The following GRIN2A variants were observed in gnomAD, a reference collection of about 807,000 sequenced individuals.
GRIN2A encodes glutamate receptor ionotropic, NMDA 2A.
In GRIN2A, 22 loss-of-function variants were observed where a neutral mutation model predicts 113.4. The observed-to-expected ratio is 0.19, with a 90% CI of 0.14 to 0.28. The LOEUF is 0.28. Ranked by LOEUF, GRIN2A falls within the 10% of genes least tolerant of loss-of-function variation. The pLI is 1.00. For missense variants in GRIN2A, 1,502 were observed against 1,887.0 expected (o/e 0.80, Z 3.78); for synonymous variants, 827 against 738.4 (o/e 1.12, Z -1.94).
At chr16:10,048,565 G>T (rs2047299501) in intron 2 of GRIN2A, among the ~76,000 whole-genome samples, 1 of 152,146 alleles carries the variant, frequency 6.6e-6, no homozygotes, top group South Asian at 2.1e-4. Flanking sequence ...CAGGAAATAT[G>T]CCTGAATAAG....
intron 2 of GRIN2A, among the ~76,000 whole-genome samples, chr16:10,018,153 T>G (rs911421999): frequency 2.0e-5 from 3 of 152,040 alleles, no homozygotes; most frequent in African/African-American, 7.3e-5. Flanking sequence ...AAGAGATGAG[T>G]TATTAAAAGG....
At chr16:9,777,457 G>C (rs1383741514) in intron 11 of GRIN2A, among the ~76,000 whole-genome samples, 1 of 152,166 alleles carries the variant, frequency 6.6e-6, no homozygotes, top group Non-Finnish European at 1.5e-5. Context: ...CAAATAGATT[G>C]AATTTGGGAG....
intron 2 of GRIN2A, among the ~76,000 whole-genome samples, chr16:9,959,603 T>C (rs897014973): frequency 6.6e-6 from 1 of 152,250 alleles, no homozygotes; most frequent in Non-Finnish European, 1.5e-5. Flanking sequence ...ACACAGGCTT[T>C]CCACTGTGCT....
chr16:9,893,601 G>T (rs2141490341), intron 3 of GRIN2A, among the ~76,000 whole-genome samples: 1 of 152,246 alleles, frequency 6.6e-6, no homozygotes, highest in Admixed American at 6.5e-5. Flanking sequence ...CAAGTAGCTA[G>T]GGTTACAGGT....
chr16:10,044,616 G>T (rs774251955), intron 2 of GRIN2A, among the ~76,000 whole-genome samples: 1 of 149,868 alleles, frequency 6.7e-6, no homozygotes, highest in Non-Finnish European at 1.5e-5. Context: ...ACAATCAGAT[G>T]TGTTAAAAAT....
In GRIN2A at chr16:9,862,590, T is replaced by C. The variant is rs1034043870; in HGVS notation, c.1123-12629A>G. Among the ~76,000 whole-genome samples, 4 of 152,212 alleles carry C rather than the reference T, an allele frequency of 2.6e-5. No homozygotes were observed. The East Asian group carries it at 7.7e-4, about 29-fold the overall frequency. ...ATCATTTTCTTCAGGAGTTCATGTA[T>C]AATCTTCAGTCCTCCAGAGTTCCTT... On this transcript the variant is annotated intron_variant, in intron 4 of 12. Transcript: ENST00000330684.
Position 9,763,847 on chromosome 16 carries a change from G to A in GRIN2A, c.3697C>T (p.Pro1233Ser), listed in dbSNP as rs1900717286. Residue 1233 changes from proline to serine, a missense_variant, in exon 13 of 13, where the codon CCC (proline) becomes TCC (serine). Coordinates refer to ENST00000330684, the MANE Select transcript of GRIN2A (RefSeq NM_001134407.3). The part of the protein sequence containing the change: ...TYSGHFTMRS[P>S]FKCDACLRMG... ...CGCAGGCAGGCATCGCACTTGAAGGGGGACCTCATGGTGAAGTGGCCTGAA... is the reference window on the plus strand; with the variant it reads ...CGCAGGCAGGCATCGCACTTGAAGGAGGACCTCATGGTGAAGTGGCCTGAA... 2 of 1,613,992 alleles carry A rather than the reference G, an allele frequency of 1.2e-6. No homozygotes were observed. The highest frequency in any genetic ancestry group is 1.3e-5 in the African/African-American group (1 of 74,896).
chr16:9,990,749 G>C (rs1596395422), intron 2 of GRIN2A, among the ~76,000 whole-genome samples: 2 of 152,016 alleles, frequency 1.3e-5, no homozygotes, highest in South Asian at 4.1e-4. Context: ...GGTAGGTTTT[G>C]GATAATACTA....
chr16:10,104,644 G>C (rs2048460560), intron 2 of GRIN2A, among the ~76,000 whole-genome samples: 1 of 152,140 alleles, frequency 6.6e-6, no homozygotes, highest in Non-Finnish European at 1.5e-5. Flanking sequence ...GGATTCTCCA[G>C]GGTGCGCACA....
At chr16:9,984,357 G>C (rs920358636) in intron 2 of GRIN2A, among the ~76,000 whole-genome samples, 2 of 152,032 alleles carry the variant, frequency 1.3e-5, no homozygotes, top group Non-Finnish European at 2.9e-5. Flanking sequence ...TTGCTGAGCA[G>C]AAGCTTTTAC....
chr16:9,945,286 A>G (rs1161587656), intron 2 of GRIN2A, among the ~76,000 whole-genome samples: 1 of 152,206 alleles, frequency 6.6e-6, no homozygotes, highest in Non-Finnish European at 1.5e-5. Context: ...GGAGCTGATC[A>G]AAATGATATG....
chr16:9,846,248 CA>C (rs967810705), intron 5 of GRIN2A, among the ~76,000 whole-genome samples: 1 of 150,882 alleles, frequency 6.6e-6, no homozygotes, highest in Admixed American at 6.6e-5. Flanking sequence ...GACTGCTTAT[CA>C]AAAAAAAACT....
At chr16:10,142,491 A>C (rs1261145216) in intron 2 of GRIN2A, among the ~76,000 whole-genome samples, 2 of 152,152 alleles carry the variant, frequency 1.3e-5, no homozygotes, top group African/African-American at 2.4e-5. Context: ...CCACAAGTTC[A>C]AGACCAGCCT....
intron 12 of GRIN2A, among the ~76,000 whole-genome samples, chr16:9,765,984 T>A (rs1448285710): frequency 6.6e-6 from 1 of 152,210 alleles, no homozygotes; most frequent in Non-Finnish European, 1.5e-5. Flanking sequence ...GCTGTTCAAC[T>A]GTTATCAAGG....
intron 2 of GRIN2A, among the ~76,000 whole-genome samples, chr16:10,175,189 T>C (rs146455319): frequency 2.0e-5 from 3 of 152,360 alleles, no homozygotes; most frequent in Non-Finnish European, 4.4e-5. Context: ...CACTCTGTGA[T>C]GTTCACACGA....
chr16:10,148,383 C>A (rs980257625), intron 2 of GRIN2A, among the ~76,000 whole-genome samples: 1 of 152,008 alleles, frequency 6.6e-6, no homozygotes, highest in Non-Finnish European at 1.5e-5. Context: ...AAACTGACTC[C>A]ATTTTAAATG....
In GRIN2A at chr16:9,813,478, C is replaced by T. The variant is rs949135142; in HGVS notation, c.2168+8786G>A. Among the ~76,000 whole-genome samples the T allele has an allele frequency of 3.3e-5, 5 of 150,742 alleles. No individual in the cohort carries two copies. The South Asian group carries it at 8.4e-4, about 25-fold the overall frequency. ...CATCCCAATCACCTAGCAGCATCTC[C>T]GATAACATTTTGATATATTTCTTTT... On this transcript the variant is annotated intron_variant, in intron 10 of 12. Transcript: ENST00000330684.
At chr16:10,124,361 C>G (rs1009492144) in intron 2 of GRIN2A, among the ~76,000 whole-genome samples, 1 of 152,146 alleles carries the variant, frequency 6.6e-6, no homozygotes. Context: ...AGTGCCTGCC[C>G]TGTATGCAGT....
intron 10 of GRIN2A, among the ~76,000 whole-genome samples, chr16:9,819,017 G>T (rs1157564580): frequency 6.6e-6 from 1 of 152,072 alleles, no homozygotes; most frequent in African/African-American, 2.4e-5. Context: ...CATAATGAAA[G>T]ATTATGACTC....
Sources: allele counts gnomAD v4.1 joint callset (sites outside exome capture counted in the v4.1 genomes callset), GRCh38; gene constraint gnomAD v4.1.1; transcripts MANE v1.5; gene names NCBI Gene and HGNC (gene_info 2026-07-23, HGNC 2026-07-21).